PCBP3: variants seen among roughly 807,000 people sequenced by gnomAD.
PCBP3 encodes the protein poly(rC) binding protein 3.
PCBP3 carries 25 observed loss-of-function variants against 52.7 expected under a neutral mutation model. That is an observed-to-expected ratio of 0.47 (90% CI 0.35 to 0.66). PCBP3 has a LOEUF of 0.66. Ranked by LOEUF, PCBP3 falls within the 30% of genes least tolerant of loss-of-function variation. PCBP3 has a pLI of 0.01. For missense variants in PCBP3, 391 were observed against 490.3 expected (o/e 0.80, Z 1.91); for synonymous variants, 162 against 183.0 (o/e 0.89, Z 0.93).
At chr21:45,783,668 C>T (rs1293491816) in intron 4 of PCBP3, among the ~76,000 whole-genome samples, 1 of 152,192 alleles carries the variant, frequency 6.6e-6, no homozygotes, top group East Asian at 1.9e-4. Context: ...GGTCAGTGCA[C>T]GGCCTGAGCT....
intron 2 of PCBP3, among the ~76,000 whole-genome samples, chr21:45,689,517 A>G (rs919516104): frequency 2.6e-5 from 4 of 152,074 alleles, no homozygotes; most frequent in African/African-American, 9.7e-5. Context: ...CCCTAAGATA[A>G]AGAACAAGGC....
chr21:45,904,987 T>C lies in PCBP3; in HGVS notation c.339+3874T>C, dbSNP rs551478223. On this transcript the variant is annotated intron_variant, in intron 9 of 17. Coordinates refer to ENST00000681687, the MANE Select transcript of PCBP3 (RefSeq NM_001384156.1). The surrounding 1 kb of genome is among the most constrained non-coding windows in gnomAD (Gnocchi z 4.8). ...GTCTACAGCATGATGAGTAGTTTCA[T>C]GGATTGACTTAGCGAATATCTGTTT... Among the ~76,000 whole-genome samples, 86 of 152,348 alleles carry C rather than the reference T, an allele frequency of 5.6e-4. No homozygotes were observed. Among genetic ancestry groups the C allele is most frequent in the Non-Finnish European group, 1.1e-3 (76 of 68,038 alleles).
intron 2 of PCBP3, among the ~76,000 whole-genome samples, chr21:45,705,383 G>A (rs1373111853): frequency 6.6e-6 from 1 of 152,236 alleles, no homozygotes; most frequent in African/African-American, 2.4e-5. Context: ...GGCACAGTGG[G>A]TAAGTGACAC....
chr21:45,859,285 G>A (rs1243212873), intron 5 of PCBP3, among the ~76,000 whole-genome samples: 1 of 132,496 alleles, frequency 7.5e-6, no homozygotes, highest in Non-Finnish European at 1.6e-5. Flanking sequence ...GGTGGCCAGC[G>A]GGTCAGCCGG....
chr21:45,661,289 C>T (rs1055413504), intron 1 of PCBP3, among the ~76,000 whole-genome samples: 1 of 152,240 alleles, frequency 6.6e-6, no homozygotes, highest in Admixed American at 6.5e-5. Context: ...GGTAATTTCT[C>T]ATTCCCCACC....
intron 4 of PCBP3, among the ~76,000 whole-genome samples, chr21:45,790,467 GGTGGACTTGTGCCT>G (rs1569226769): frequency 3.9e-5 from 6 of 152,186 alleles, no homozygotes; most frequent in South Asian, 2.1e-4. Context: ...ACCCAGGAGA[GGTGGACTTGTGCCT>G]GTGGACTTGT....
At chr21:45,814,955 G>C (rs2092832273) in intron 4 of PCBP3, among the ~76,000 whole-genome samples, 1 of 128,340 alleles carries the variant, frequency 7.8e-6, no homozygotes, top group Non-Finnish European at 1.7e-5. Flanking sequence ...AGTGGTGAGT[G>C]AGTGGTGAGT....
intron 9 of PCBP3, among the ~76,000 whole-genome samples, 158 bp from the exon 10 acceptor site, chr21:45,909,197 G>T (rs1044416965): frequency 6.6e-6 from 1 of 152,042 alleles, no homozygotes; most frequent in African/African-American, 2.4e-5. Context: ...GACGTCTCCT[G>T]GTCCTCCCTG....
In PCBP3 at chr21:45,907,315, G is replaced by A. The variant is rs928600844; in HGVS notation, c.340-2040G>A. 2.6e-5 allele frequency among the ~76,000 whole-genome samples: 4 copies of A among 152,310 alleles called. No homozygotes were observed. The East Asian group carries it at 5.8e-4, about 22-fold the overall frequency. On this transcript the variant is annotated intron_variant, in intron 9 of 17. Coordinates refer to ENST00000681687, the MANE Select transcript of PCBP3 (RefSeq NM_001384156.1). ...TGCCAGTGGCTGTCATTCAGCAGAA[G>A]GGCTATTCCCATCCCTACTTCTGCG...
At chr21:45,812,198 T>C (rs534253622) in intron 4 of PCBP3, among the ~76,000 whole-genome samples, 5 of 152,186 alleles carry the variant, frequency 3.3e-5, no homozygotes, top group Non-Finnish European at 7.3e-5. Context: ...CCAGAAGGTA[T>C]CTGGTACAGG....
rs947203953 is a variant in PCBP3, at chr21:45,668,944, C to T, written c.-208C>T. The T allele has an allele frequency of 7.2e-5, 11 of 152,258 alleles. No homozygotes were observed. Among genetic ancestry groups the T allele is most frequent in the African/African-American group, 2.6e-4 (11 of 41,546 alleles). The allele number at this position is 152,258 out of a possible 1,614,324, so 9.4% of individuals were successfully genotyped here. Reference sequence around the variant, plus strand: ...GTTCTGAAGTAAATGTAACTGCTATCCTCTGGAGGTAATCTATTGCCATAA... The same window carrying T: ...GTTCTGAAGTAAATGTAACTGCTATTCTCTGGAGGTAATCTATTGCCATAA... On this transcript the variant is annotated 5_prime_UTR_variant, in exon 2 of 18. Transcript: ENST00000681687.
In PCBP3 at chr21:45,941,680, G is replaced by A. The variant is rs1294527694; in HGVS notation, c.1090G>A (p.Glu364Lys). 3.7e-6 allele frequency: 6 copies of A among 1,606,524 alleles called. No homozygotes were observed. The highest frequency in any genetic ancestry group is 5.1e-6 in the Non-Finnish European group (6 of 1,176,602). Reference protein sequence around the residue: ...QYLINARLTSEVTGMGTL With the variant: ...QYLINARLTSKVTGMGTL The stretch of plus-strand genomic sequence containing the variant: ...CTTTGTCTGTTCCAGGCTGACGTCC[G>A]AGGTCACCGGGATGGGCACGCTGTA... The change falls in exon 18 of 18, where the codon GAG (glutamate) becomes AAG (lysine). Residue 364 changes from glutamate (E) to lysine (K), a missense_variant. By Grantham distance (56) the Glu-to-Lys change is moderately conservative (BLOSUM62 1). Coordinates refer to ENST00000681687, the MANE Select transcript of PCBP3 (RefSeq NM_001384156.1).
rs1019475319 is a variant in PCBP3, at chr21:45,904,869, T to G, written c.339+3756T>G. ...TGGCCTTAAAAGAACCTCAGCAGTC[T>G]TTGTAAAGCTTCCCACCAGTGTTGA... On this transcript the variant is annotated intron_variant, in intron 9 of 17. Coordinates refer to ENST00000681687, the MANE Select transcript of PCBP3 (RefSeq NM_001384156.1). This position sits in a 1 kb window ranked among gnomAD's most constrained non-coding sequence, Gnocchi z 4.8. 3.3e-5 allele frequency among the ~76,000 whole-genome samples: 5 copies of G among 152,180 alleles called. No individual in the cohort carries two copies. Among genetic ancestry groups the G allele is most frequent in the African/African-American group, 1.2e-4 (5 of 41,428 alleles).
intron 5 of PCBP3, among the ~76,000 whole-genome samples, chr21:45,879,850 A>C (rs2095358517): frequency 6.6e-6 from 1 of 152,130 alleles, no homozygotes; most frequent in African/African-American, 2.4e-5. Flanking sequence ...TTAGAAAAGA[A>C]GAAAGGTCTT....
chr21:45,891,165 A>G (rs2095653160), intron 5 of PCBP3, among the ~76,000 whole-genome samples: 2 of 152,240 alleles, frequency 1.3e-5, no homozygotes, highest in African/African-American at 4.8e-5. Context: ...GAATGTAGAT[A>G]GTGGAACCGC....
At chr21:45,896,872 C>A (rs1408714740) in intron 6 of PCBP3, among the ~76,000 whole-genome samples, 470 of 38,102 alleles carry the variant, frequency 0.012, no homozygotes, top group East Asian at 0.044. Context: ...GGAAAGGCGG[C>A]CGCGGCACAT....
intron 5 of PCBP3, among the ~76,000 whole-genome samples, chr21:45,891,385 G>T (rs539986189): frequency 6.6e-6 from 1 of 152,328 alleles, no homozygotes; most frequent in African/African-American, 2.4e-5. Context: ...GCCAGTGGTG[G>T]TTTTTTCCCA....
intron 4 of PCBP3, among the ~76,000 whole-genome samples, chr21:45,756,259 C>G (rs2088033775): frequency 6.6e-6 from 1 of 152,226 alleles, no homozygotes; most frequent in African/African-American, 2.4e-5. Flanking sequence ...TGGCATCTGT[C>G]TGGACTCTGT....
chr21:45,826,510 A>T (rs922026266), intron 4 of PCBP3, among the ~76,000 whole-genome samples: 1 of 152,208 alleles, frequency 6.6e-6, no homozygotes. Context: ...GGTGACGTGA[A>T]GCAGATGCGT....
Sources: allele counts gnomAD v4.1 joint callset (sites outside exome capture counted in the v4.1 genomes callset), GRCh38; gene constraint gnomAD v4.1.1; non-coding constraint Gnocchi (gnomAD v3.1); transcripts MANE v1.5; gene names NCBI Gene and HGNC (gene_info 2026-07-23, HGNC 2026-07-21).